Variants in DDHD1 observed in about 807,000 individuals in gnomAD.
The protein encoded by DDHD1 is DDHD domain containing 1.
Under a neutral mutation model 96.4 loss-of-function variants are expected in DDHD1, and 49 were observed. The ratio of observed to expected loss-of-function variants is 0.51; its 90% CI spans 0.40 to 0.64. The LOEUF is 0.64. Among genes scored for constraint, DDHD1 ranks in the 30% least tolerant of loss-of-function variants. The pLI, the probability that DDHD1 is intolerant of heterozygous loss-of-function variation, is 0.00. For missense variants in DDHD1, 1,106 were observed against 1,161.2 expected (o/e 0.95, Z 0.69); for synonymous variants, 442 against 446.5 (o/e 0.99, Z 0.13).
chr14:53,135,027 C>T (rs1316817797), intron 1 of DDHD1, among the ~76,000 whole-genome samples: 3 of 152,140 alleles, frequency 2.0e-5, no homozygotes, highest in African/African-American at 4.8e-5. Flanking sequence ...GAAACATTGC[C>T]CATGATCTCT....
rs1881957383 is a variant in DDHD1, at chr14:53,045,639, A to G, written c.*1129T>C. 2.0e-5 allele frequency: 3 copies of G among 152,350 alleles called. No homozygotes were observed. Among genetic ancestry groups the G allele is most frequent in the Admixed American group, 2.0e-4 (3 of 15,304 alleles). The allele number at this position is 152,350 out of a possible 1,614,324, so 9.4% of individuals were successfully genotyped here. A position where few individuals can be genotyped will look rare whatever the true frequency, so the allele number is the denominator to read the frequency against. On this transcript the variant is annotated 3_prime_UTR_variant, in exon 13 of 13. Coordinates refer to ENST00000673822, the MANE Select transcript of DDHD1 (RefSeq NM_001160148.2). ...CAAGATTTATTTACTTACCTCAAGA[A>G]GCTAGTACATGGGTTATTGAATGCA...
intron 1 of DDHD1, among the ~76,000 whole-genome samples, chr14:53,142,638 C>T (rs1412614876): frequency 6.6e-6 from 1 of 152,158 alleles, no homozygotes; most frequent in African/African-American, 2.4e-5. Context: ...GATCTGCATA[C>T]CAACAAAAGC....
intron 1 of DDHD1, among the ~76,000 whole-genome samples, chr14:53,106,006 G>A (rs1327345423): frequency 2.6e-5 from 4 of 151,728 alleles, no homozygotes; most frequent in African/African-American, 9.7e-5. Context: ...GTGTTTTAGA[G>A]TAACCCAAAT....
At chr14:53,065,950 T>C (rs965786931) in intron 6 of DDHD1, among the ~76,000 whole-genome samples, 1 of 152,232 alleles carries the variant, frequency 6.6e-6, no homozygotes, top group South Asian at 2.1e-4. Context: ...TTGTAAGACA[T>C]AAATATACAC....
intron 1 of DDHD1, among the ~76,000 whole-genome samples, chr14:53,109,443 T>C (rs1887943633): frequency 6.6e-6 from 1 of 152,200 alleles, no homozygotes; most frequent in African/African-American, 2.4e-5. Flanking sequence ...TACCCAGCTC[T>C]TCCCACTCAC....
chr14:53,134,882 C>T (rs1455115331), intron 1 of DDHD1, among the ~76,000 whole-genome samples: 1 of 152,138 alleles, frequency 6.6e-6, no homozygotes, highest in Admixed American at 6.6e-5. Flanking sequence ...CAGGCCATCA[C>T]CAATCATTCT....
rs184982008 is a variant in DDHD1 at position 53,054,489 on chromosome 14, C to T, written c.2386G>A (p.Val796Ile). The change falls in exon 11 of 13, where the codon GTA becomes ATA. Residue 796 changes from valine (V) to isoleucine (I), a missense_variant. Val to Ile is a conservative substitution (Grantham distance 29). Coordinates refer to ENST00000673822, the MANE Select transcript of DDHD1 (RefSeq NM_001160148.2). ...CTATGTGGAAGGGTCTGTGTCCCTACGGTGGTAGCAGAAGGTGAGGCAACT... is the reference window on the plus strand; with the variant it reads ...CTATGTGGAAGGGTCTGTGTCCCTATGGTGGTAGCAGAAGGTGAGGCAACT... ...KPVASPSATT[V>I]GTQTLPHSSS... The T allele has an allele frequency of 2.7e-5, 43 of 1,614,094 alleles. No individual in the cohort carries two copies. In the South Asian group the frequency reaches 2.7e-4, roughly 10 times the overall value.
chr14:53,063,281 T>G (rs1160402680), intron 6 of DDHD1, 76 bp from the exon 7 acceptor site: 2 of 1,482,470 alleles, frequency 1.3e-6, no homozygotes, highest in Middle Eastern at 1.8e-4. Context: ...CTCAAATACA[T>G]TAAGGTAGAA....
At chr14:53,074,314 CAT>C (rs1371968290) in intron 4 of DDHD1, among the ~76,000 whole-genome samples, 25 of 151,624 alleles carry the variant, frequency 1.6e-4, no homozygotes, top group African/African-American at 5.8e-4. Flanking sequence ...AATTTTAGCA[CAT>C]GTGCAGATTT....
chr14:53,091,733 T>C lies in DDHD1; in HGVS notation c.1289+52A>G, dbSNP rs937339469. The C allele has an allele frequency of 3.2e-6, 5 of 1,576,708 alleles. No homozygotes were observed. In the African/African-American group the frequency reaches 6.7e-5, roughly 21 times the overall value. On this transcript the variant is annotated intron_variant, in intron 4 of 12. Coordinates refer to ENST00000673822, the MANE Select transcript of DDHD1 (RefSeq NM_001160148.2). The stretch of plus-strand genomic sequence containing the variant: ...CTGTTAATATCTCTTATACCCTGGA[T>C]CAAAGTTTGGATTCTAGATTAGATA...
At chr14:53,055,966 G>A (rs1321504689) in intron 9 of DDHD1, 54 bp from the exon 10 acceptor site, 4 of 1,490,904 alleles carry the variant, frequency 2.7e-6, no homozygotes, top group Non-Finnish European at 3.7e-6. Context: ...ACAATGCTTG[G>A]ATTTTAGTAA....
chr14:53,152,880 G>C lies in DDHD1; in HGVS notation c.219C>G (p.Asp73Glu), dbSNP rs1426134910. 45 of 1,610,258 alleles carry C rather than the reference G, an allele frequency of 2.8e-5. No homozygotes were observed. The highest frequency in any genetic ancestry group is 3.7e-5 in the Non-Finnish European group (44 of 1,178,556). ...PGLHLAPGTD[D>E]HNHHLALDPC... Reference sequence around the variant, plus strand: ...GGTCCAGCGCGAGGTGGTGGTTGTGGTCGTCGGTGCCCGGCGCCAAATGCA... The same window carrying C: ...GGTCCAGCGCGAGGTGGTGGTTGTGCTCGTCGGTGCCCGGCGCCAAATGCA... Residue 73 changes from aspartate to glutamate, a missense_variant, in exon 1 of 13, where the codon GAC (aspartate) becomes GAG (glutamate). Coordinates refer to ENST00000673822, the MANE Select transcript of DDHD1 (RefSeq NM_001160148.2).
chr14:53,079,572 A>C (rs531588405), intron 4 of DDHD1, among the ~76,000 whole-genome samples: 1 of 152,340 alleles, frequency 6.6e-6, no homozygotes, highest in East Asian at 1.9e-4. Flanking sequence ...GTATTCCCTT[A>C]CAATCCTTTT....
chr14:53,116,277 G>A (rs1888537192), intron 1 of DDHD1, among the ~76,000 whole-genome samples: 1 of 152,124 alleles, frequency 6.6e-6, no homozygotes, highest in Admixed American at 6.5e-5. Flanking sequence ...AATAATAATA[G>A]GAGACTTTAA....
At chr14:53,096,193 G>C (rs955520768) in intron 2 of DDHD1, 2 of 985,066 alleles carry the variant, frequency 2.0e-6, no homozygotes, top group African/African-American at 3.5e-5. Context: ...GAGAAGGGAG[G>C]GAGAAGGGAG....
chr14:53,060,705 T>G (rs191156109), intron 8 of DDHD1, among the ~76,000 whole-genome samples: 1 of 152,216 alleles, frequency 6.6e-6, no homozygotes, highest in African/African-American at 2.4e-5. Flanking sequence ...TGATGTTTCT[T>G]GAGGTATATG....
intron 1 of DDHD1, among the ~76,000 whole-genome samples, chr14:53,104,088 T>C (rs548095387): frequency 5.3e-5 from 8 of 152,290 alleles, no homozygotes; most frequent in African/African-American, 1.9e-4. Context: ...AGCCTTGACC[T>C]TCCAGGCTAA....
chr14:53,115,391 T>G (rs1888462599), intron 1 of DDHD1, among the ~76,000 whole-genome samples: 1 of 152,086 alleles, frequency 6.6e-6, no homozygotes. Flanking sequence ...ACTAAGATAC[T>G]GCTCAAGAAG....
At chr14:53,080,639 C>A (rs1885380380) in intron 4 of DDHD1, among the ~76,000 whole-genome samples, 1 of 151,000 alleles carries the variant, frequency 6.6e-6, no homozygotes, top group Admixed American at 6.6e-5. Context: ...TTTCTCTATT[C>A]CTAAGTTCTA....
Sources: gnomAD v4.1 joint callset for allele counts (sites outside exome capture counted in the v4.1 genomes callset) on GRCh38, gnomAD v4.1.1 for gene constraint, MANE v1.5 for transcripts, NCBI Gene and HGNC (gene_info 2026-07-23, HGNC 2026-07-21) for gene names.